PCDHGA1: variants seen among roughly 807,000 people sequenced by gnomAD.
PCDHGA1 encodes the protein protocadherin gamma-A1.
Under a neutral mutation model 58.0 loss-of-function variants are expected in PCDHGA1, and 32 were observed. The observed-to-expected ratio is 0.55, with a 90% CI of 0.42 to 0.74. PCDHGA1 has a LOEUF of 0.74. PCDHGA1 is among the 30% of genes least tolerant of loss of function. The pLI is 0.00. For missense variants in PCDHGA1, 1,205 were observed against 1,182.3 expected (o/e 1.02, Z -0.28); for synonymous variants, 498 against 501.1 (o/e 0.99, Z 0.08).
chr5:141,385,268 C>A (rs1561607524), intron 1 of PCDHGA1: 3 of 1,613,616 alleles, frequency 1.9e-6, no homozygotes, highest in South Asian at 2.2e-5. Context: ...AAAAATGATT[C>A]TTTGCTAACA....
At chr5:141,412,987 A>T (rs192699644) in intron 1 of PCDHGA1, 1 of 564,522 alleles carries the variant, frequency 1.8e-6, no homozygotes, top group African/African-American at 1.9e-5. Flanking sequence ...GCCAGAGCTC[A>T]ATCCGGATTC....
At chr5:141,422,020 G>A (rs374562798) in intron 1 of PCDHGA1, 2 of 1,610,932 alleles carry the variant, frequency 1.2e-6, no homozygotes, top group Non-Finnish European at 1.7e-6. Flanking sequence ...GGTGCTGATG[G>A]TTAATGCAAC....
rs758673205 is a variant in PCDHGA1, at chr5:141,376,309, CGT to C, written c.2421+43206_2421+43207del. The C allele has an allele frequency of 7.2e-5, 117 of 1,614,148 alleles. No homozygotes were observed. The South Asian group carries it at 1.3e-3, about 17-fold the overall frequency. ...GCATGCCCGGCTCGCACTTTGTGGG[CGT>C]GGAAGGGGTTCGGGCTTTCCTGCAG... On this transcript the variant is annotated intron_variant, in intron 1 of 3. Coordinates refer to ENST00000517417, the MANE Select transcript of PCDHGA1 (RefSeq NM_018912.3).
At chr5:141,430,985 G>T (rs773308629) in intron 1 of PCDHGA1, 4 of 1,613,780 alleles carry the variant, frequency 2.5e-6, no homozygotes, top group Non-Finnish European at 3.4e-6. Flanking sequence ...GCAGCTTTTC[G>T]CCCTGAATCC....
At chr5:141,441,930 G>T in intron 1 of PCDHGA1, 1 of 347,232 alleles carries the variant, frequency 2.9e-6, no homozygotes, top group Non-Finnish European at 5.5e-6. Flanking sequence ...ATGCGTGGCT[G>T]TCCTACCACG....
intron 1 of PCDHGA1, chr5:141,352,796 C>T: frequency 1.0e-6 from 1 of 954,356 alleles, no homozygotes; most frequent in Non-Finnish European, 1.5e-6. Context: ...TTGAGACCAG[C>T]ATAGCCAAGA....
intron 1 of PCDHGA1, chr5:141,339,535 G>T: frequency 6.2e-7 from 1 of 1,614,198 alleles, no homozygotes; most frequent in Non-Finnish European, 8.5e-7. Context: ...GAGCTGATGG[G>T]AACAAGTACC....
At chr5:141,422,458 C>T (rs375149811) in intron 1 of PCDHGA1, 264 of 1,613,148 alleles carry the variant, frequency 1.6e-4, no homozygotes, top group Non-Finnish European at 2.1e-4. Context: ...AAGCAGAGTG[C>T]TGGACAGGGA....
chr5:141,496,164 C>A (rs745320704), intron 2 of PCDHGA1, among the ~76,000 whole-genome samples: 1 of 152,084 alleles, frequency 6.6e-6, no homozygotes, highest in East Asian at 1.9e-4. Flanking sequence ...CCACCAGACA[C>A]CCTCCCATCC....
At chr5:141,417,001 A>G (rs1590037654) in intron 1 of PCDHGA1, 1 of 150,924 alleles carries the variant, frequency 6.6e-6, no homozygotes, top group African/African-American at 2.5e-5. Context: ...TTCATCTCAA[A>G]TAATTCTATT....
rs1272707854 is a variant in PCDHGA1, at chr5:141,330,783, C to T, written c.99C>T (p.Tyr33=). ...AAGCTGGGGCTGGGAATATTCACTA[C>T]TCAGTGCCGGAAGAGACAGACAAAG... The part of the protein sequence containing the change: ...LLEAGAGNIH[Y]SVPEETDKGS... Residue 33 remains tyrosine, a synonymous_variant, in exon 1 of 4, where the codon TAC becomes TAT. Transcript: ENST00000517417. 6.2e-7 allele frequency: 1 copy of T among 1,614,112 alleles called. No homozygotes were observed. Among genetic ancestry groups the T allele is most frequent in the African/African-American group, 1.3e-5 (1 of 74,936 alleles).
intron 1 of PCDHGA1, chr5:141,344,544 A>G (rs964747852): frequency 6.2e-7 from 1 of 1,613,888 alleles, no homozygotes; most frequent in Admixed American, 1.7e-5. Context: ...GCAGAACTAC[A>G]AGCTTAGCCC....
chr5:141,341,369 G>C lies in PCDHGA1; in HGVS notation c.2421+8264G>C, dbSNP rs200292110. The C allele has an allele frequency of 1.1e-4, 173 of 1,614,236 alleles. 1 individual carries two copies. The South Asian group carries it at 1.6e-3, about 15-fold the overall frequency. On this transcript the variant is annotated intron_variant, in intron 1 of 3. Coordinates refer to ENST00000517417, the MANE Select transcript of PCDHGA1 (RefSeq NM_018912.3). ...ATCAGCGCCTCAATCTCTACTCGAA[G>C]AAGAAAGAGAAGAAACGTTTTCTCA...
intron 1 of PCDHGA1, among the ~76,000 whole-genome samples, chr5:141,373,236 T>A (rs1331345461): frequency 2.6e-5 from 4 of 152,248 alleles, no homozygotes; most frequent in African/African-American, 9.6e-5. Context: ...ATAATATTTT[T>A]ACTTCCCTTT....
intron 1 of PCDHGA1, chr5:141,419,043 ATTC>A (rs560207463): frequency 6.2e-5 from 100 of 1,613,840 alleles, no homozygotes; most frequent in Non-Finnish European, 8.1e-5. Context: ...TTTAAGATTC[ATTC>A]TTCTTCTAAT....
rs1030462993 is a variant in PCDHGA1 at position 141,367,932 on chromosome 5, A to G, written c.2421+34827A>G. On this transcript the variant is annotated intron_variant, in intron 1 of 3. Coordinates refer to ENST00000517417, the MANE Select transcript of PCDHGA1 (RefSeq NM_018912.3). Reference sequence around the variant, plus strand: ...GAAAAAAAAAGAACTCAACTTAAAGATGGTTCAAAATTTTAAATTTCATAT... The same window carrying G: ...GAAAAAAAAAGAACTCAACTTAAAGGTGGTTCAAAATTTTAAATTTCATAT... 103 of 152,212 alleles carry G rather than the reference A, an allele frequency of 6.8e-4. 1 individual carries two copies. The highest frequency in any genetic ancestry group is 2.4e-3 in the African/African-American group (101 of 41,450). The allele number at this position is 152,212 out of a possible 1,614,324, so 9.4% of individuals were successfully genotyped here.
chr5:141,365,484 C>T (rs1763944357), intron 1 of PCDHGA1: 1 of 1,613,876 alleles, frequency 6.2e-7, no homozygotes, highest in African/African-American at 1.3e-5. Flanking sequence ...ATTGCATGCT[C>T]TATTCCTAGG....
chr5:141,454,796 ATTTTTT>A (rs61612330), intron 1 of PCDHGA1, among the ~76,000 whole-genome samples: 41 of 77,454 alleles, frequency 5.3e-4, no homozygotes, highest in African/African-American at 1.7e-3. Context: ...CATGGTTCTA[ATTTTTT>A]TTTTTTTTTT....
At chr5:141,392,877 A>G in intron 1 of PCDHGA1, 2 of 1,613,506 alleles carry the variant, frequency 1.2e-6, no homozygotes, top group Non-Finnish European at 1.7e-6. Context: ...GCTGCTGGGA[A>G]CGCTGTGGGA....
Sources: gnomAD v4.1 joint callset for allele counts (sites outside exome capture counted in the v4.1 genomes callset) on GRCh38, gnomAD v4.1.1 for gene constraint, MANE v1.5 for transcripts, NCBI Gene and HGNC (gene_info 2026-07-23, HGNC 2026-07-21) for gene names.